Variants in JAG2 observed in about 807,000 individuals in gnomAD.
JAG2 encodes the protein protein jagged-2.
A neutral mutation model predicts 141.7 loss-of-function variants in JAG2; 46 were observed. The observed-to-expected ratio is 0.32, with a 90% CI of 0.26 to 0.42. JAG2 has a LOEUF of 0.42. Among genes scored for constraint, JAG2 ranks in the 10% least tolerant of loss-of-function variants. The probability of loss-of-function intolerance (pLI) is 1.00; values close to 1 mark genes in which losing one functional copy is unlikely to be tolerated. For synonymous variants in JAG2, 862 were observed against 763.5 expected, an observed-to-expected ratio of 1.13 and a Z score of -2.13; for missense variants, 1,500 against 1,817.5, an observed-to-expected ratio of 0.83 and a Z score of 3.18.
Position 105,162,899 on chromosome 14 carries a change from C to T in JAG2, c.417+4858G>A, listed in dbSNP as rs149444435. Among the ~76,000 whole-genome samples the T allele has an allele frequency of 1.1e-4, 14 of 131,224 alleles. No individual in the cohort carries two copies. The East Asian group carries it at 2.1e-3, about 20-fold the overall frequency. 86.1% of individuals were successfully genotyped at this position (131,224 alleles called of 152,430 possible). A position where few individuals can be genotyped will look rare whatever the true frequency, so the allele number is the denominator to read the frequency against. ...CCAAATGCCAAGCACCCTAAGTCCA[C>T]GGCACCCCACTGCCCACTGTACCCC... On this transcript the variant is annotated intron_variant, in intron 2 of 25. Transcript: ENST00000331782.
Position 105,149,004 on chromosome 14 carries a change from G to A in JAG2, c.1839C>T (p.Val613=), listed in dbSNP as rs773516815. ...AGGAAAAGTTGCCCCCTGGCTGGCT[G>A]ACGCAGCGTCCATGGGGGCCACACA... The part of the protein sequence containing the change: ...SGVCGPHGRC[V]SQPGGNFSCI... The change falls in exon 14 of 26, where the codon GTC becomes GTT. Residue 613 remains valine (V), a synonymous_variant. Coordinates refer to ENST00000331782, the MANE Select transcript of JAG2 (RefSeq NM_002226.5). 6.2e-7 allele frequency: 1 copy of A among 1,606,722 alleles called. No individual in the cohort carries two copies. Among genetic ancestry groups the A allele is most frequent in the Non-Finnish European group, 8.5e-7 (1 of 1,177,418 alleles).
rs369752703 is a variant in JAG2, at chr14:105,148,354, G to A, written c.2106C>T (p.Asp702=). 2.5e-5 allele frequency: 40 copies of A among 1,610,762 alleles called. No homozygotes were observed. The highest frequency in any genetic ancestry group is 3.1e-5 in the Non-Finnish European group (37 of 1,178,988). ...LVNDFYCACD[D]GWKGKTCHSR... is the part of the protein sequence containing the mutation. ...AGTGGCAGGTCTTGCCCTTCCAGCC[G>A]TCGTCGCACGCACAGTAGAAGTCAT... The change falls in exon 16 of 26, where the codon GAC becomes GAT. Residue 702 remains aspartate, a synonymous_variant. Coordinates refer to ENST00000331782, the MANE Select transcript of JAG2 (RefSeq NM_002226.5).
In JAG2 at chr14:105,167,093, G is replaced by A. The variant is rs1302260145; in HGVS notation, c.417+664C>T. On this transcript the variant is annotated intron_variant, in intron 2 of 25. Transcript: ENST00000331782. The surrounding 1 kb of genome is among the most constrained non-coding windows in gnomAD (Gnocchi z 4.8). ...TCCTGCCTGACTGGCCACCTGCCAG[G>A]GGAGACCAGACAGCCCCGACTCAGC... Among the ~76,000 whole-genome samples, 1 of 152,120 alleles carries A rather than the reference G, an allele frequency of 6.6e-6. No individual in the cohort carries two copies. The highest frequency in any genetic ancestry group is 1.9e-4 in the East Asian group (1 of 5,164).
rs1888797987 is a variant in JAG2 at position 105,162,875 on chromosome 14, C to CA, written c.417+4881dup. On this transcript the variant is annotated intron_variant, in intron 2 of 25. Coordinates refer to ENST00000331782, the MANE Select transcript of JAG2 (RefSeq NM_002226.5). ...GCACACCTCATGGCCCAGGGTACTCCAAATGCCAAGCACCCTAAGTCCACG... is the reference window on the plus strand; with the variant it reads ...GCACACCTCATGGCCCAGGGTACTCCAAAATGCCAAGCACCCTAAGTCCACG... 4.6e-5 allele frequency among the ~76,000 whole-genome samples: 7 copies of CA among 151,520 alleles called. No homozygotes were observed. In the South Asian group the frequency reaches 1.5e-3, roughly 32 times the overall value.
intron 5 of JAG2, among the ~76,000 whole-genome samples, chr14:105,153,866 G>A (rs587679136): frequency 2.6e-5 from 4 of 152,346 alleles, no homozygotes; most frequent in Admixed American, 1.3e-4. Flanking sequence ...TGCCATCCAG[G>A]TTGTGTGATG....
Position 105,142,374 on chromosome 14 carries a change from G to A in JAG2, c.*321C>T. ...ATAAAAGGAAGATTCTGTAAACAGT[G>A]CACAACCTCTGGTAACAAACGCTAC... On this transcript the variant is annotated 3_prime_UTR_variant, in exon 26 of 26. Transcript: ENST00000331782. The A allele has an allele frequency of 5.9e-6, 2 of 337,920 alleles. No individual in the cohort carries two copies. Among genetic ancestry groups the A allele is most frequent in the Non-Finnish European group, 5.5e-6 (1 of 182,326 alleles). The allele number at this position is 337,920 out of a possible 1,614,324, so 20.9% of individuals were successfully genotyped here. A position where few individuals can be genotyped will look rare whatever the true frequency, so the allele number is the denominator to read the frequency against.
At chr14:105,158,955 T>C (rs1888653798) in intron 2 of JAG2, among the ~76,000 whole-genome samples, 1 of 151,900 alleles carries the variant, frequency 6.6e-6, no homozygotes, top group Non-Finnish European at 1.5e-5. Context: ...CTGCCAGCCC[T>C]TCCCTGGTCC....
intron 24 of JAG2, among the ~76,000 whole-genome samples, chr14:105,144,108 G>A (rs897479786): frequency 7.2e-5 from 11 of 152,026 alleles, no homozygotes; most frequent in African/African-American, 2.4e-4. Flanking sequence ...GAGGTGTGTG[G>A]CCCCATTCGC....
chr14:105,152,351 G>A, intron 5 of JAG2, 60 bp from the exon 6 acceptor site: 4 of 1,578,286 alleles, frequency 2.5e-6, no homozygotes, highest in Admixed American at 3.6e-5. Context: ...AGGGTGGCAG[G>A]GGAGCCAGGC....
chr14:105,143,335 G>A (rs1888121316), intron 25 of JAG2, 147 bp downstream of exon 25: 1 of 1,291,916 alleles, frequency 7.7e-7, no homozygotes, highest in African/African-American at 1.5e-5. Context: ...GGAAGGTCAG[G>A]TTGTGGGGCT....
intron 2 of JAG2, among the ~76,000 whole-genome samples, chr14:105,161,824 C>T (rs969524778): frequency 6.6e-6 from 1 of 151,308 alleles, no homozygotes; most frequent in Non-Finnish European, 1.5e-5. Flanking sequence ...ACTCAGTTGC[C>T]TCCTCTGCGA....
intron 2 of JAG2, among the ~76,000 whole-genome samples, chr14:105,162,601 GGTACCCCAGAGCCCCAAA>G: frequency 6.6e-6 from 1 of 150,424 alleles, no homozygotes; most frequent in African/African-American, 2.5e-5. Flanking sequence ...CAAAGCCCAG[GGTACCCCAGAGCCCCAAA>G]GCACTGCATG....
Position 105,154,712 on chromosome 14 carries a change from C to T in JAG2, c.788+850G>A, listed in dbSNP as rs1335963535. Among the ~76,000 whole-genome samples the T allele has an allele frequency of 6.6e-6, 1 of 152,126 alleles. No homozygotes were observed. The highest frequency in any genetic ancestry group is 2.4e-5 in the African/African-American group (1 of 41,412). On this transcript the variant is annotated intron_variant, in intron 5 of 25. Coordinates refer to ENST00000331782, the MANE Select transcript of JAG2 (RefSeq NM_002226.5). This position sits in a 1 kb window ranked among gnomAD's most constrained non-coding sequence, Gnocchi z 4.4. ...GCCTGAATGCCACCCCCCACAGGCCCCGCGTGGCGCAGGCCAGGCCTCTCC... is the reference window on the plus strand; with the variant it reads ...GCCTGAATGCCACCCCCCACAGGCCTCGCGTGGCGCAGGCCAGGCCTCTCC...
rs777533005 is a variant in JAG2 at position 105,168,124 on chromosome 14, G to C, written c.67-17C>G. The C allele has an allele frequency of 2.0e-6, 3 of 1,516,422 alleles. No homozygotes were observed. Among genetic ancestry groups the C allele is most frequent in the African/African-American group, 1.4e-5 (1 of 69,678 alleles). The allele number at this position is 1,516,422 out of a possible 1,614,324, so 93.9% of individuals were successfully genotyped here. On this transcript the variant is annotated splice_polypyrimidine_tract_variant and intron_variant, in intron 1 of 25. Transcript: ENST00000331782. ...CCGCGCCGCCTAAAAATAAGGCAGCGGGAGAGCGGAGGGAGGCGCGGGCCG... is the reference window on the plus strand; with the variant it reads ...CCGCGCCGCCTAAAAATAAGGCAGCCGGAGAGCGGAGGGAGGCGCGGGCCG...
At chr14:105,155,437 C>T (rs745546423) in intron 5 of JAG2, 125 bp downstream of exon 5, 24 of 1,065,230 alleles carry the variant, frequency 2.3e-5, no homozygotes, top group Non-Finnish European at 3.1e-5. Flanking sequence ...CAGGGCCCGG[C>T]TCTCACAGCT....
chr14:105,165,038 A>T (rs1888868087), intron 2 of JAG2, among the ~76,000 whole-genome samples: 1 of 152,186 alleles, frequency 6.6e-6, no homozygotes, highest in Non-Finnish European at 1.5e-5. Context: ...GCTGCCCTGG[A>T]GCCCAGCACA....
rs745934867 is a variant in JAG2 at position 105,144,997 on chromosome 14, C to T, written c.3017G>A (p.Arg1006Gln). Residue 1006 changes from arginine to glutamine, a missense_variant, in exon 24 of 26, where the codon CGG becomes CAG. Physicochemically the swap from Arg to Gln is conservative, Grantham distance 43 (BLOSUM62 1). Around this residue, in one of 3 missense-constraint regions of JAG2, gnomAD observed 425 missense variants for 441.0 expected, o/e 0.96. Transcript: ENST00000331782. ...GCAAAGCAACACCAGCAGGCGGTCC[C>T]GTGCCACAGCCCTTGTGGCTGGCAG... is the stretch of plus-strand genomic sequence containing the variant. The part of the protein sequence containing the change: ...RSLPATRAVA[R>Q]DRLLVLLCDR... The T allele has an allele frequency of 4.3e-6, 7 of 1,609,574 alleles. No homozygotes were observed. The highest frequency in any genetic ancestry group is 3.3e-5 in the South Asian group (3 of 91,014).
chr14:105,144,827 G>A (rs1049330603), intron 24 of JAG2, 103 bp downstream of exon 24: 23 of 1,451,736 alleles, frequency 1.6e-5, no homozygotes, highest in South Asian at 3.6e-5. Flanking sequence ...CAGTCCTTCC[G>A]CACCAGGACT....
At chr14:105,152,431 G>A (rs1731797698) in intron 5 of JAG2, 140 bp from the exon 6 acceptor site, 2 of 995,590 alleles carry the variant, frequency 2.0e-6, no homozygotes, top group South Asian at 1.5e-5. Flanking sequence ...GCCCCAGCCA[G>A]GCAGGGGTTG....
Sources: gnomAD v4.1 joint callset for allele counts (sites outside exome capture counted in the v4.1 genomes callset) on GRCh38, gnomAD v4.1.1 for gene constraint, gnomAD v4.1.1 regional missense constraint, Gnocchi (gnomAD v3.1) non-coding constraint, MANE v1.5 for transcripts, NCBI Gene and HGNC (gene_info 2026-07-23, HGNC 2026-07-21) for gene names.